SLC4A10: variants seen among roughly 807,000 people sequenced by gnomAD.
SLC4A10 encodes the protein sodium-driven chloride bicarbonate exchanger.
In SLC4A10, 42 loss-of-function variants were observed where a neutral mutation model predicts 137.7. That is an observed-to-expected ratio of 0.30 (90% CI 0.24 to 0.39). The LOEUF (loss-of-function observed/expected upper bound fraction) is 0.39, where lower values mean the gene tolerates loss of function less well. SLC4A10 is among the 10% of genes least tolerant of loss of function. The probability of loss-of-function intolerance (pLI) is 1.00; values close to 1 mark genes in which losing one functional copy is unlikely to be tolerated. For missense variants in SLC4A10, 925 were observed against 1,355.0 expected (o/e 0.68, Z 4.98); for synonymous variants, 474 against 464.1 (o/e 1.02, Z -0.27).
At chr2:161,698,908 G>C (rs1216226666) in intron 1 of SLC4A10, among the ~76,000 whole-genome samples, 1 of 152,110 alleles carries the variant, frequency 6.6e-6, no homozygotes, top group Non-Finnish European at 1.5e-5. Flanking sequence ...TGTACCTCTG[G>C]TAGAATTTGG....
intron 3 of SLC4A10, among the ~76,000 whole-genome samples, chr2:161,810,243 G>C (rs2056410084): frequency 6.6e-6 from 1 of 151,840 alleles, no homozygotes; most frequent in African/African-American, 2.4e-5. Context: ...TACTGAAATT[G>C]TCAATTCTAG....
intron 1 of SLC4A10, among the ~76,000 whole-genome samples, chr2:161,699,064 G>T (rs10169187): frequency 3.9e-5 from 6 of 152,068 alleles, no homozygotes; most frequent in East Asian, 1.9e-4. Flanking sequence ...CTGTCGCCCA[G>T]GCTGGAGTGC....
At chr2:161,934,104 C>T (rs1691130832) in intron 15 of SLC4A10, among the ~76,000 whole-genome samples, 1 of 152,184 alleles carries the variant, frequency 6.6e-6, no homozygotes, top group African/African-American at 2.4e-5. Flanking sequence ...GTAATGATCA[C>T]ATCAGAGTAA....
intron 9 of SLC4A10, among the ~76,000 whole-genome samples, chr2:161,880,655 A>G (rs2061709297): frequency 6.6e-6 from 1 of 152,122 alleles, no homozygotes; most frequent in Non-Finnish European, 1.5e-5. Context: ...TTCAGGCTAT[A>G]TGTTTTCTAT....
chr2:161,683,321 C>T lies in SLC4A10; in HGVS notation c.48+58755C>T, dbSNP rs186880567. Among the ~76,000 whole-genome samples the T allele has an allele frequency of 4.2e-4, 64 of 152,242 alleles. No individual in the cohort carries two copies. In the South Asian group the frequency reaches 5.8e-3, roughly 14 times the overall value. ...AGGTACCTAAGAGGAATTCAATAAA[C>T]TTTTGTTTAATAAATGAATATATAA... On this transcript the variant is annotated intron_variant, in intron 1 of 26. Coordinates refer to ENST00000446997, the MANE Select transcript of SLC4A10 (RefSeq NM_001178015.2).
chr2:161,862,116 C>T (rs1242834095), intron 5 of SLC4A10, among the ~76,000 whole-genome samples: 1 of 152,144 alleles, frequency 6.6e-6, no homozygotes, highest in Non-Finnish European at 1.5e-5. Flanking sequence ...ATCTATTTTA[C>T]TGACATTTTT....
In SLC4A10 at chr2:161,632,561, A is replaced by G. The variant is rs146601897; in HGVS notation, c.48+7995A>G. ...TATAAATGTCTGTTAAAAACATGTC[A>G]TATATAATTGACAGAACACCTATAG... On this transcript the variant is annotated intron_variant, in intron 1 of 26. Transcript: ENST00000446997. 1.6e-4 allele frequency among the ~76,000 whole-genome samples: 25 copies of G among 151,820 alleles called. 1 individual carries two copies. The highest frequency in any genetic ancestry group is 8.9e-5 in the Non-Finnish European group (6 of 67,688).
intron 1 of SLC4A10, among the ~76,000 whole-genome samples, chr2:161,633,065 TG>T (rs2033847738): frequency 6.6e-6 from 1 of 151,598 alleles, no homozygotes; most frequent in African/African-American, 2.4e-5. Flanking sequence ...TTTACCAGGG[TG>T]CAAAATCTAT....
intron 1 of SLC4A10, among the ~76,000 whole-genome samples, chr2:161,692,488 A>G (rs2042097529): frequency 6.6e-6 from 1 of 152,100 alleles, no homozygotes; most frequent in Admixed American, 6.6e-5. Flanking sequence ...GAGAGAATTG[A>G]ACTTTTAAGT....
intron 2 of SLC4A10, among the ~76,000 whole-genome samples, chr2:161,795,870 C>T (rs1473913517): frequency 2.0e-5 from 3 of 151,992 alleles, no homozygotes; most frequent in African/African-American, 7.2e-5. Flanking sequence ...ACTCTTATAG[C>T]TATCTTAAGT....
chr2:161,924,120 A>C (rs750318810), intron 15 of SLC4A10, among the ~76,000 whole-genome samples: 1 of 152,082 alleles, frequency 6.6e-6, no homozygotes, highest in South Asian at 2.1e-4. Context: ...CTCATATTCT[A>C]TCTCCTCACA....
intron 4 of SLC4A10, among the ~76,000 whole-genome samples, chr2:161,854,743 T>C (rs1276190077): frequency 6.6e-6 from 1 of 152,162 alleles, no homozygotes; most frequent in Non-Finnish European, 1.5e-5. Context: ...CAAAATAACA[T>C]GAGTTTTCCT....
chr2:161,691,599 A>G (rs941933176), intron 1 of SLC4A10, among the ~76,000 whole-genome samples: 7 of 152,138 alleles, frequency 4.6e-5, no homozygotes, highest in Admixed American at 4.6e-4. Context: ...ACTACTGTGT[A>G]CCCACAAAAA....
chr2:161,933,768 A>G (rs991833272), intron 15 of SLC4A10, among the ~76,000 whole-genome samples: 1 of 152,204 alleles, frequency 6.6e-6, no homozygotes, highest in Non-Finnish European at 1.5e-5. Context: ...GGCTACTGTG[A>G]ATAAATGCTA....
rs774548352 is a variant in SLC4A10 at position 161,839,770 on chromosome 2, C to A, written c.278-19C>A. Reference sequence around the variant, plus strand: ...GTGGTAATACATGTTCATGGTAATACATGTCTCTGATTTTTTAGACACCCC... The same window carrying A: ...GTGGTAATACATGTTCATGGTAATAAATGTCTCTGATTTTTTAGACACCCC... On this transcript the variant is annotated intron_variant, in intron 3 of 26. Coordinates refer to ENST00000446997, the MANE Select transcript of SLC4A10 (RefSeq NM_001178015.2). 6 of 1,612,928 alleles carry A rather than the reference C, an allele frequency of 3.7e-6. No individual in the cohort carries two copies. The highest frequency in any genetic ancestry group is 5.1e-6 in the Non-Finnish European group (6 of 1,179,278).
intron 1 of SLC4A10, among the ~76,000 whole-genome samples, chr2:161,641,250 T>G (rs1176578905): frequency 2.6e-5 from 4 of 152,214 alleles, no homozygotes; most frequent in East Asian, 1.9e-4. Flanking sequence ...GATTTTTATG[T>G]ACTTTCATTT....
chr2:161,730,089 G>C (rs970926710), intron 1 of SLC4A10, among the ~76,000 whole-genome samples: 7 of 152,106 alleles, frequency 4.6e-5, no homozygotes, highest in Non-Finnish European at 7.4e-5. Context: ...TCAGGTCTAA[G>C]CTGTACTTCA....
chr2:161,710,792 C>A, intron 1 of SLC4A10: 1 of 446,012 alleles, frequency 2.2e-6, no homozygotes, highest in South Asian at 1.6e-5. Flanking sequence ...TTCTTCAATT[C>A]AGTAAACATA....
chr2:161,875,426 T>A (rs2061402611), intron 8 of SLC4A10, among the ~76,000 whole-genome samples: 1 of 152,230 alleles, frequency 6.6e-6, no homozygotes, highest in Non-Finnish European at 1.5e-5. Context: ...TTATTCATCT[T>A]ATATGATTTG....
Sources: allele counts gnomAD v4.1 joint callset (sites outside exome capture counted in the v4.1 genomes callset), GRCh38; gene constraint gnomAD v4.1.1; transcripts MANE v1.5; gene names NCBI Gene and HGNC (gene_info 2026-07-23, HGNC 2026-07-21).